ELP4: variants seen among roughly 807,000 people sequenced by gnomAD.
ELP4 encodes elongator acetyltransferase complex subunit 4.
In ELP4, 51 loss-of-function variants were observed where a neutral mutation model predicts 48.9. The ratio of observed to expected loss-of-function variants is 1.04; its 90% CI spans 0.83 to 1.32. The LOEUF (loss-of-function observed/expected upper bound fraction) is 1.32, where lower values mean the gene tolerates loss of function less well. Ranked by LOEUF, ELP4 falls within the 40% of genes most tolerant of loss-of-function variation. The probability of loss-of-function intolerance (pLI) is 0.00; values close to 1 mark genes in which losing one functional copy is unlikely to be tolerated. For missense variants in ELP4, 519 were observed against 514.6 expected, an observed-to-expected ratio of 1.01 and a Z score of -0.08; for synonymous variants, 210 against 189.2, an observed-to-expected ratio of 1.11 and a Z score of -0.90.
intron 9 of ELP4, among the ~76,000 whole-genome samples, chr11:31,727,330 G>A (rs967500066): frequency 3.3e-5 from 5 of 152,100 alleles, no homozygotes; most frequent in Non-Finnish European, 7.4e-5. Flanking sequence ...AAGAATTTGA[G>A]ATCTTGATTT....
chr11:31,665,211 C>T (rs1945645309), intron 9 of ELP4, among the ~76,000 whole-genome samples: 1 of 152,128 alleles, frequency 6.6e-6, no homozygotes, highest in African/African-American at 2.4e-5. Flanking sequence ...TTTACCTCTT[C>T]TTGATGAGCC....
chr11:31,623,362 TATATATATA>T (rs1315592013), intron 5 of ELP4, among the ~76,000 whole-genome samples: 1 of 53,822 alleles, frequency 1.9e-5, no homozygotes, highest in Non-Finnish European at 3.9e-5. Flanking sequence ...CAAATATATA[TATATATATA>T]TATATATATA....
intron 5 of ELP4, among the ~76,000 whole-genome samples, chr11:31,615,024 A>G (rs2134018251): frequency 2.0e-5 from 3 of 152,244 alleles, no homozygotes; most frequent in Admixed American, 2.0e-4. Context: ...TCCTTTTACC[A>G]GTATGCCAGG....
At chr11:31,708,409 A>G (rs960876093) in intron 9 of ELP4, among the ~76,000 whole-genome samples, 2 of 152,214 alleles carry the variant, frequency 1.3e-5, no homozygotes, top group Admixed American at 1.3e-4. Context: ...ACTCTCAGTT[A>G]TCTACAAGTG....
At chr11:31,518,023 G>C (rs981466858) in intron 1 of ELP4, among the ~76,000 whole-genome samples, 5 of 152,044 alleles carry the variant, frequency 3.3e-5, no homozygotes, top group Non-Finnish European at 5.9e-5. Context: ...AATCAAAATG[G>C]CAATAGTTTT....
intron 9 of ELP4, among the ~76,000 whole-genome samples, chr11:31,656,565 G>T (rs1238383849): frequency 2.0e-5 from 3 of 151,802 alleles, no homozygotes; most frequent in Non-Finnish European, 4.4e-5. Flanking sequence ...TGAACTTAGG[G>T]TCTAATATTT....
rs867246467 is a variant in ELP4 at position 31,632,555 on chromosome 11, T to G, written c.927+150T>G. Reference sequence around the variant, plus strand: ...TGCATGTCTTCTTTTGTCTGTCTTTTGTCCATTTTTTTATTGATAGTCTCA... The same window carrying G: ...TGCATGTCTTCTTTTGTCTGTCTTTGGTCCATTTTTTTATTGATAGTCTCA... On this transcript the variant is annotated intron_variant, in intron 7 of 9. Transcript: ENST00000640961. 9.1e-6 allele frequency: 5 copies of G among 547,570 alleles called. No individual in the cohort carries two copies. In the Middle Eastern group the frequency reaches 1.6e-3, roughly 172 times the overall value. The allele number at this position is 547,570 out of a possible 1,614,324, so 33.9% of individuals were successfully genotyped here.
At chr11:31,635,350 A>G (rs535463993) in intron 7 of ELP4, among the ~76,000 whole-genome samples, 1 of 152,064 alleles carries the variant, frequency 6.6e-6, no homozygotes, top group South Asian at 2.1e-4. Context: ...ATATCAACTC[A>G]TTTAATTCTC....
intron 7 of ELP4, among the ~76,000 whole-genome samples, chr11:31,644,230 A>G (rs542549276): frequency 2.4e-4 from 36 of 151,962 alleles, no homozygotes; most frequent in African/African-American, 2.4e-4. Context: ...TCATTATAAC[A>G]TACATACACC....
At chr11:31,690,657 T>A (rs1196721714) in intron 9 of ELP4, among the ~76,000 whole-genome samples, 1 of 151,952 alleles carries the variant, frequency 6.6e-6, no homozygotes, top group Admixed American at 6.6e-5. Context: ...CTTTCTTATT[T>A]ATTTAAAGAA....
At chr11:31,690,175 G>A (rs939855029) in intron 9 of ELP4, among the ~76,000 whole-genome samples, 4 of 152,148 alleles carry the variant, frequency 2.6e-5, no homozygotes, top group African/African-American at 9.7e-5. Context: ...CTGCTGAATA[G>A]CAAAGCCAAG....
chr11:31,549,700 C>A (rs536584915), intron 3 of ELP4, among the ~76,000 whole-genome samples: 3 of 152,026 alleles, frequency 2.0e-5, no homozygotes, highest in Admixed American at 6.6e-5. Context: ...ATGTTTATTG[C>A]GGCACTATTC....
At chr11:31,588,432 G>C (rs1957513392) in intron 3 of ELP4, among the ~76,000 whole-genome samples, 1 of 152,114 alleles carries the variant, frequency 6.6e-6, no homozygotes, top group Non-Finnish European at 1.5e-5. Context: ...AAGACTTCCA[G>C]TTTCTCTGGT....
intron 2 of ELP4, among the ~76,000 whole-genome samples, chr11:31,526,102 T>G (rs1393489443): frequency 6.6e-6 from 1 of 152,148 alleles, no homozygotes; most frequent in Non-Finnish European, 1.5e-5. Flanking sequence ...TGCTAAGCCA[T>G]TGACATGTAT....
chr11:31,513,998 CTCA>C (rs1387202056), intron 1 of ELP4, among the ~76,000 whole-genome samples: 2 of 152,050 alleles, frequency 1.3e-5, no homozygotes, highest in Non-Finnish European at 2.9e-5. Context: ...TATTTTGATT[CTCA>C]TGTTTGCCCA....
At chr11:31,557,216 C>G (rs1956944991) in intron 3 of ELP4, among the ~76,000 whole-genome samples, 1 of 151,566 alleles carries the variant, frequency 6.6e-6, no homozygotes, top group Non-Finnish European at 1.5e-5. Flanking sequence ...AAAATAATAT[C>G]TTAATAATTC....
intron 3 of ELP4, among the ~76,000 whole-genome samples, chr11:31,550,776 A>G (rs973424728): frequency 1.3e-5 from 2 of 152,144 alleles, no homozygotes; most frequent in Non-Finnish European, 2.9e-5. Context: ...TTTCTGCCAA[A>G]TCTTTGGATA....
At chr11:31,630,729 C>A (rs1376286902) in intron 6 of ELP4, among the ~76,000 whole-genome samples, 3 of 151,962 alleles carry the variant, frequency 2.0e-5, no homozygotes, top group Non-Finnish European at 1.5e-5. Flanking sequence ...TGCTTTAGTC[C>A]AGCAGTTCAA....
intron 3 of ELP4, among the ~76,000 whole-genome samples, chr11:31,566,563 A>G (rs1038340430): frequency 1.1e-4 from 17 of 152,182 alleles, no homozygotes; most frequent in Non-Finnish European, 2.4e-4. Context: ...TTAACTTACT[A>G]GCATGATAAC....
Sources: allele counts gnomAD v4.1 joint callset (sites outside exome capture counted in the v4.1 genomes callset), GRCh38; gene constraint gnomAD v4.1.1; transcripts MANE v1.5; gene names NCBI Gene and HGNC (gene_info 2026-07-23, HGNC 2026-07-21).